The following DAB2IP variants were observed in gnomAD, a reference collection of about 807,000 sequenced individuals.
The protein encoded by DAB2IP is disabled homolog 2-interacting protein.
In DAB2IP, 28 loss-of-function variants were observed where a neutral mutation model predicts 107.2. That is an observed-to-expected ratio of 0.26 (90% CI 0.19 to 0.36). DAB2IP has a LOEUF of 0.36. DAB2IP is among the 10% of genes least tolerant of loss of function. The probability of loss-of-function intolerance (pLI) is 1.00; values close to 1 mark genes in which losing one functional copy is unlikely to be tolerated. For missense variants in DAB2IP, 1,400 were observed against 1,644.7 expected, an observed-to-expected ratio of 0.85 and a Z score of 2.57; for synonymous variants, 755 against 706.4, an observed-to-expected ratio of 1.07 and a Z score of -1.09.
intron 1 of DAB2IP, among the ~76,000 whole-genome samples, chr9:121,616,375 T>G (rs1379014494): frequency 6.6e-6 from 1 of 152,204 alleles, no homozygotes; most frequent in Non-Finnish European, 1.5e-5. Context: ...TTCTAGTGCC[T>G]GTCTGCCTGA....
At chr9:121,771,075 T>G (rs993844389) in intron 11 of DAB2IP, among the ~76,000 whole-genome samples, 18 of 152,210 alleles carry the variant, frequency 1.2e-4, no homozygotes, top group African/African-American at 4.1e-4. Flanking sequence ...TGATATTTGT[T>G]AAAAATACAC....
intron 3 of DAB2IP, among the ~76,000 whole-genome samples, chr9:121,746,206 A>G (rs886438820): frequency 5.3e-5 from 8 of 152,164 alleles, no homozygotes; most frequent in African/African-American, 1.9e-4. Context: ...GGGAAGGGAC[A>G]GAATGCCCCG....
chr9:121,586,448 C>T (rs1368064479), intron 1 of DAB2IP, among the ~76,000 whole-genome samples: 1 of 152,138 alleles, frequency 6.6e-6, no homozygotes, highest in African/African-American at 2.4e-5. Flanking sequence ...CAGATATTAC[C>T]TGCTTCCAGT....
rs192426763 is a variant in DAB2IP at position 121,742,359 on chromosome 9, G to A, written c.363-14654G>A. 2.8e-4 allele frequency among the ~76,000 whole-genome samples: 42 copies of A among 152,338 alleles called. No individual in the cohort carries two copies. The East Asian group carries it at 6.6e-3, about 24-fold the overall frequency. The stretch of plus-strand genomic sequence containing the variant: ...CAAGACAATCACTTGAACCCGGGAG[G>A]CAGAGGTTGTAGTGAGCTGAGATTG... On this transcript the variant is annotated intron_variant, in intron 3 of 15. Transcript: ENST00000408936.
intron 2 of DAB2IP, among the ~76,000 whole-genome samples, chr9:121,690,673 C>G (rs969851313): frequency 3.3e-5 from 5 of 152,218 alleles, no homozygotes; most frequent in African/African-American, 1.2e-4. Context: ...CAGGAGGGCT[C>G]TGCTGACGTC....
chr9:121,597,010 C>A (rs796232403), intron 1 of DAB2IP, among the ~76,000 whole-genome samples: 1 of 152,148 alleles, frequency 6.6e-6, no homozygotes, highest in East Asian at 1.9e-4. Flanking sequence ...TGTTTATTGG[C>A]CATTCATGTT....
intron 1 of DAB2IP, among the ~76,000 whole-genome samples, chr9:121,664,926 A>G (rs1564142846): frequency 2.6e-5 from 4 of 152,250 alleles, no homozygotes; most frequent in Non-Finnish European, 5.9e-5. Flanking sequence ...TGTCCCCTAC[A>G]GGATCTTATA....
chr9:121,773,377 G>T (rs1363884910), exon 12 of DAB2IP: 1 of 1,584,040 alleles, frequency 6.3e-7, no homozygotes. Context: ...AGACCCTCAA[G>T]CGGAACCCTG....
intron 1 of DAB2IP, among the ~76,000 whole-genome samples, chr9:121,619,373 C>T (rs1207418091): frequency 6.6e-6 from 1 of 152,168 alleles, no homozygotes; most frequent in Non-Finnish European, 1.5e-5. Context: ...TCTTGAACTC[C>T]TGGCCTCAAG....
intron 1 of DAB2IP, among the ~76,000 whole-genome samples, chr9:121,619,514 T>A (rs1831391444): frequency 6.6e-6 from 1 of 152,204 alleles, no homozygotes; most frequent in African/African-American, 2.4e-5. Context: ...TGTCAACACA[T>A]ATTTATTCAG....
intron 9 of DAB2IP, among the ~76,000 whole-genome samples, chr9:121,768,129 A>G (rs1834418018): frequency 6.6e-6 from 1 of 152,194 alleles, no homozygotes; most frequent in Non-Finnish European, 1.5e-5. Context: ...ATTGAGCATC[A>G]TCTGCATACC....
At chr9:121,578,722 CTTTTTTTTTTTTTTTTTTTTTTTTTT>C (rs749525264) in intron 1 of DAB2IP, among the ~76,000 whole-genome samples, 6 of 47,428 alleles carry the variant, frequency 1.3e-4, no homozygotes, top group African/African-American at 5.4e-4. Flanking sequence ...CGGCCTATGT[CTTTTTTTTTTTTTTTTTTTTTTTTTT>C]TTTTTTTTTT....
At chr9:121,768,051 A>T (rs1024454762) in intron 9 of DAB2IP, among the ~76,000 whole-genome samples, 72 of 152,194 alleles carry the variant, frequency 4.7e-4, no homozygotes, top group Non-Finnish European at 1.8e-4. Flanking sequence ...AGGGACTCCC[A>T]GGGGTGGTGC....
At chr9:121,627,120 A>AAC (rs55977828) in intron 1 of DAB2IP, among the ~76,000 whole-genome samples, 5 of 149,086 alleles carry the variant, frequency 3.4e-5, no homozygotes, top group African/African-American at 9.9e-5. Flanking sequence ...ACCCCTACTC[A>AAC]ACACACACAC....
chr9:121,590,816 A>G (rs532060317), intron 1 of DAB2IP, among the ~76,000 whole-genome samples: 1 of 152,344 alleles, frequency 6.6e-6, no homozygotes, highest in South Asian at 2.1e-4. Flanking sequence ...AGGAGGGGAT[A>G]CAACAATGAA....
intron 1 of DAB2IP, among the ~76,000 whole-genome samples, chr9:121,629,913 C>G (rs1589428358): frequency 6.6e-6 from 1 of 152,256 alleles, no homozygotes; most frequent in Non-Finnish European, 1.5e-5. Flanking sequence ...CTTCCGGGAC[C>G]CAGTGAGTCT....
At chr9:121,750,620 T>C (rs1037447597) in intron 3 of DAB2IP, among the ~76,000 whole-genome samples, 1 of 152,178 alleles carries the variant, frequency 6.6e-6, no homozygotes, top group African/African-American at 2.4e-5. Context: ...AGGGTGACCC[T>C]GAGCCCCTTA....
At chr9:121,774,279 C>T in exon 13 of DAB2IP, 1 of 1,612,388 alleles carries the variant, frequency 6.2e-7, no homozygotes, top group South Asian at 1.1e-5. Flanking sequence ...CCTGTGAGCC[C>T]CAATGCCCTG....
chr9:121,579,110 A>G (rs946365358), intron 1 of DAB2IP, among the ~76,000 whole-genome samples: 8 of 152,090 alleles, frequency 5.3e-5, no homozygotes, highest in Non-Finnish European at 8.8e-5. Context: ...GCCCCTTACC[A>G]GGGGAAATGA....
Sources: gnomAD v4.1 joint callset for allele counts (sites outside exome capture counted in the v4.1 genomes callset) on GRCh38, gnomAD v4.1.1 for gene constraint, MANE v1.5 for transcripts, NCBI Gene and HGNC (gene_info 2026-07-23, HGNC 2026-07-21) for gene names.